Variants in GALNT13 observed in about 807,000 individuals in gnomAD.
The protein encoded by GALNT13 is polypeptide N-acetylgalactosaminyltransferase 13, also known as UDP-GalNAc:polypeptide N-acetylgalactosaminyltransferase 13.
Under a neutral mutation model 64.2 loss-of-function variants are expected in GALNT13, and 28 were observed. The observed-to-expected ratio is 0.44, with a 90% CI of 0.32 to 0.60. GALNT13 has a LOEUF of 0.60. Among genes scored for constraint, GALNT13 ranks in the 20% least tolerant of loss-of-function variants. The pLI is 0.05. For synonymous variants in GALNT13, 214 were observed against 224.6 expected, an observed-to-expected ratio of 0.95 and a Z score of 0.42; for missense variants, 577 against 669.8, an observed-to-expected ratio of 0.86 and a Z score of 1.53.
At chr2:153,075,592 T>A in the GALNT13 span, among the ~76,000 whole-genome samples, 1 of 152,230 alleles carries the variant, frequency 6.6e-6, no homozygotes, top group East Asian at 1.9e-4. Flanking sequence ...ACACTATCAA[T>A]TCAAGAGTTA....
At chr2:153,155,577 G>A in the GALNT13 span, among the ~76,000 whole-genome samples, 1 of 151,992 alleles carries the variant, frequency 6.6e-6, no homozygotes, top group African/African-American at 2.4e-5. Flanking sequence ...TATCCCTCTT[G>A]TCATTTCTAA....
At chr2:153,619,062 G>T in the GALNT13 span, among the ~76,000 whole-genome samples, 1 of 151,780 alleles carries the variant, frequency 6.6e-6, no homozygotes, top group East Asian at 1.9e-4. Flanking sequence ...TTACCATTTT[G>T]TTATATTTCT....
At chr2:154,361,578 T>TA (rs1697072134) in intron 9 of GALNT13, among the ~76,000 whole-genome samples, 1 of 152,070 alleles carries the variant, frequency 6.6e-6, no homozygotes, top group Non-Finnish European at 1.5e-5. Context: ...CCCTCTTATA[T>TA]AAAACTAAAA....
intron 3 of GALNT13, among the ~76,000 whole-genome samples, chr2:154,076,548 G>A (rs1428773890): frequency 6.6e-6 from 1 of 151,626 alleles, no homozygotes; most frequent in African/African-American, 2.4e-5. Context: ...AGTGTGCTCT[G>A]GTCCAATGAT....
the GALNT13 span, among the ~76,000 whole-genome samples, chr2:153,367,409 A>C: frequency 6.6e-6 from 1 of 152,120 alleles, no homozygotes; most frequent in Non-Finnish European, 1.5e-5. Context: ...CAAGGTGTCC[A>C]TGTCCTAATC....
chr2:154,312,336 T>C (rs1036275808), intron 9 of GALNT13, among the ~76,000 whole-genome samples: 4 of 152,176 alleles, frequency 2.6e-5, no homozygotes, highest in South Asian at 2.1e-4. Context: ...CTGTTTTTTT[T>C]CCCCAATTGC....
chr2:153,084,855 C>G, the GALNT13 span, among the ~76,000 whole-genome samples: 5 of 152,158 alleles, frequency 3.3e-5, no homozygotes, highest in Non-Finnish European at 7.3e-5. Context: ...TAGTGGGGTG[C>G]TGCTGTAAAG....
At chr2:153,817,274 C>T in the GALNT13 span, among the ~76,000 whole-genome samples, 1 of 152,190 alleles carries the variant, frequency 6.6e-6, no homozygotes, top group African/African-American at 2.4e-5. Context: ...GACAAAGACT[C>T]TTTGCTTGGC....
At chr2:153,427,267 A>G in the GALNT13 span, among the ~76,000 whole-genome samples, 1 of 152,064 alleles carries the variant, frequency 6.6e-6, no homozygotes, top group Non-Finnish European at 1.5e-5. Context: ...ATAAGGCTAA[A>G]TGACAGCAAG....
chr2:153,933,962 A>G (rs944619876), intron 2 of GALNT13, among the ~76,000 whole-genome samples: 16 of 152,140 alleles, frequency 1.1e-4, no homozygotes, highest in African/African-American at 3.9e-4. Context: ...TGAAAAGTCC[A>G]TTATTAACCA....
chr2:153,518,745 T>C, the GALNT13 span, among the ~76,000 whole-genome samples: 1 of 152,196 alleles, frequency 6.6e-6, no homozygotes, highest in Non-Finnish European at 1.5e-5. Flanking sequence ...ATCTGGTATC[T>C]GGTTCTATAA....
chr2:153,676,726 T>A, the GALNT13 span, among the ~76,000 whole-genome samples: 1 of 152,042 alleles, frequency 6.6e-6, no homozygotes, highest in African/African-American at 2.4e-5. Flanking sequence ...GTTCAACATA[T>A]GCAAATGAAC....
At chr2:153,070,601 G>A in the GALNT13 span, among the ~76,000 whole-genome samples, 1 of 152,094 alleles carries the variant, frequency 6.6e-6, no homozygotes, top group East Asian at 1.9e-4. Flanking sequence ...CTTTCTCCTC[G>A]ATTTTTCTGT....
At chr2:153,315,397 A>G in the GALNT13 span, among the ~76,000 whole-genome samples, 2 of 152,162 alleles carry the variant, frequency 1.3e-5, no homozygotes, top group Non-Finnish European at 2.9e-5. Context: ...AAAGATACTA[A>G]TCACCTCCCA....
chr2:153,464,048 G>A, the GALNT13 span, among the ~76,000 whole-genome samples: 1 of 152,034 alleles, frequency 6.6e-6, no homozygotes, highest in African/African-American at 2.4e-5. Flanking sequence ...TGGTTCTCTG[G>A]ACAAAAGATT....
chr2:154,164,128 G>A (rs1684891121), intron 4 of GALNT13, among the ~76,000 whole-genome samples: 1 of 152,064 alleles, frequency 6.6e-6, no homozygotes, highest in Non-Finnish European at 1.5e-5. Context: ...TGTAGGCATA[G>A]TGTAGGCATT....
intron 3 of GALNT13, among the ~76,000 whole-genome samples, chr2:153,983,226 AT>A (rs1253933378): frequency 1.3e-5 from 2 of 151,878 alleles, no homozygotes; most frequent in African/African-American, 4.8e-5. Flanking sequence ...ATCTTTATGA[AT>A]TCTAGGCTGA....
At chr2:154,329,382 C>T (rs972913950) in intron 9 of GALNT13, among the ~76,000 whole-genome samples, 1 of 152,178 alleles carries the variant, frequency 6.6e-6, no homozygotes, top group East Asian at 1.9e-4. Context: ...GGATTACAGG[C>T]GTAAGCCACC....
chr2:153,410,258 AG>A, the GALNT13 span, among the ~76,000 whole-genome samples: 8 of 142,314 alleles, frequency 5.6e-5, no homozygotes, highest in African/African-American at 1.8e-4. Context: ...CTATTTTTTT[AG>A]GGGGGGTGGG....
Sources: allele counts gnomAD v4.1 joint callset (sites outside exome capture counted in the v4.1 genomes callset), GRCh38; gene constraint gnomAD v4.1.1; transcripts MANE v1.5; gene names NCBI Gene and HGNC (gene_info 2026-07-23, HGNC 2026-07-21).